THRB: variants seen among roughly 807,000 people sequenced by gnomAD.
THRB encodes thyroid hormone receptor beta.
THRB carries 12 observed loss-of-function variants against 47.8 expected under a neutral mutation model. That is an observed-to-expected ratio of 0.25 (90% CI 0.16 to 0.41). THRB has a LOEUF of 0.41. Ranked by LOEUF, THRB falls within the 10% of genes least tolerant of loss-of-function variation. The pLI is 1.00. For missense variants in THRB, 348 were observed against 589.2 expected (o/e 0.59, Z 4.24); for synonymous variants, 218 against 212.2 (o/e 1.03, Z -0.24).
chr3:24,227,008 A>G (rs970402307), intron 4 of THRB, among the ~76,000 whole-genome samples: 2 of 152,204 alleles, frequency 1.3e-5, no homozygotes, highest in Admixed American at 6.5e-5. Context: ...CTCTCCCTAG[A>G]TGAACTGCAC....
intron 6 of THRB, among the ~76,000 whole-genome samples, chr3:24,147,878 C>T (rs2036315864): frequency 6.6e-6 from 1 of 152,100 alleles, no homozygotes; most frequent in South Asian, 2.1e-4. Flanking sequence ...ATGGTAAGTA[C>T]ATGTGGGAAC....
intron 3 of THRB, among the ~76,000 whole-genome samples, chr3:24,248,508 C>G (rs931813): frequency 0.6 from 90,669 of 151,922 alleles, 29,211 homozygotes; most frequent in Middle Eastern, 0.76. Flanking sequence ...CCTGTTGCCC[C>G]TCAGCTCCAG....
intron 2 of THRB, among the ~76,000 whole-genome samples, chr3:24,320,678 CATA>C (rs1447474032): frequency 6.6e-6 from 1 of 152,002 alleles, no homozygotes; most frequent in Non-Finnish European, 1.5e-5. Flanking sequence ...TAATGTTAAA[CATA>C]ATATTAATAA....
intron 1 of THRB, among the ~76,000 whole-genome samples, chr3:24,403,952 TAAAG>T (rs1245868042): frequency 6.6e-6 from 1 of 151,930 alleles, no homozygotes; most frequent in East Asian, 1.9e-4. Context: ...CAAAAGTGAA[TAAAG>T]AGTCTGTCAC....
intron 3 of THRB, among the ~76,000 whole-genome samples, chr3:24,275,185 G>C (rs1346608267): frequency 1.3e-5 from 2 of 152,018 alleles, no homozygotes; most frequent in African/African-American, 4.8e-5. Flanking sequence ...TTCACACAAG[G>C]ATAAATAAAA....
At chr3:24,449,069 G>T (rs771522190) in intron 1 of THRB, among the ~76,000 whole-genome samples, 2 of 152,316 alleles carry the variant, frequency 1.3e-5, no homozygotes, top group Middle Eastern at 3.4e-3. Context: ...GGAGTGATGG[G>T]CAGCCATGTG....
At chr3:24,201,405 C>A (rs1489026243) in intron 4 of THRB, among the ~76,000 whole-genome samples, 5 of 152,130 alleles carry the variant, frequency 3.3e-5, no homozygotes, top group African/African-American at 1.2e-4. Flanking sequence ...TAAGGACCTG[C>A]AGCATCAGCA....
chr3:24,332,008 C>T (rs1426893568), intron 2 of THRB, among the ~76,000 whole-genome samples: 4 of 152,136 alleles, frequency 2.6e-5, no homozygotes, highest in Non-Finnish European at 5.9e-5. Flanking sequence ...GGTGTCTCCG[C>T]AATGTTCCCT....
chr3:24,478,039 G>A (rs1695754183), intron 1 of THRB, among the ~76,000 whole-genome samples: 1 of 151,732 alleles, frequency 6.6e-6, no homozygotes, highest in Non-Finnish European at 1.5e-5. Flanking sequence ...TTGTCAAAAT[G>A]GTCTATGTTC....
intron 4 of THRB, among the ~76,000 whole-genome samples, chr3:24,214,610 C>T (rs111687092): frequency 6.6e-6 from 1 of 152,184 alleles, no homozygotes; most frequent in Non-Finnish European, 1.5e-5. Context: ...GCTGAGATGC[C>T]GACATGGTGT....
intron 1 of THRB, among the ~76,000 whole-genome samples, chr3:24,419,132 G>A (rs1376642626): frequency 2.0e-5 from 3 of 151,862 alleles, no homozygotes; most frequent in Non-Finnish European, 4.4e-5. Context: ...ATAGGGCATC[G>A]AGATAAAAAG....
intron 1 of THRB, among the ~76,000 whole-genome samples, chr3:24,469,700 T>C (rs1211270308): frequency 6.6e-6 from 1 of 152,220 alleles, no homozygotes; most frequent in African/African-American, 2.4e-5. Context: ...AGCTACTGTA[T>C]AGAAGAATAC....
At chr3:24,129,768 G>GCAT (rs2308187) in intron 9 of THRB, among the ~76,000 whole-genome samples, 50,857 of 151,914 alleles carry the variant, frequency 0.33, 9,004 homozygotes, top group East Asian at 0.61. Flanking sequence ...CCTTAGGAGA[G>GCAT]CATCACTCAG....
At chr3:24,417,128 A>G (rs139553929) in intron 1 of THRB, among the ~76,000 whole-genome samples, 8 of 69,918 alleles carry the variant, frequency 1.1e-4, no homozygotes, top group African/African-American at 2.3e-4. Context: ...ACACACACAC[A>G]CACACACACA....
intron 2 of THRB, among the ~76,000 whole-genome samples, chr3:24,313,269 C>T (rs1187624292): frequency 6.6e-6 from 1 of 152,178 alleles, no homozygotes; most frequent in African/African-American, 2.4e-5. Flanking sequence ...CTGCACCACT[C>T]ATCTTTTCAG....
intron 1 of THRB, among the ~76,000 whole-genome samples, chr3:24,406,080 A>G (rs2067801798): frequency 6.6e-6 from 1 of 151,598 alleles, no homozygotes; most frequent in South Asian, 2.1e-4. Flanking sequence ...TGACAGTTTT[A>G]ATAGCTTTTT....
intron 6 of THRB, among the ~76,000 whole-genome samples, chr3:24,149,216 A>AG (rs1367543038): frequency 1.3e-5 from 2 of 152,166 alleles, no homozygotes; most frequent in Admixed American, 1.3e-4. Context: ...ACAGACAGGG[A>AG]GGGGAGGGGT....
chr3:24,465,181 G>T (rs1255583259), intron 1 of THRB, among the ~76,000 whole-genome samples: 1 of 151,994 alleles, frequency 6.6e-6, no homozygotes, highest in African/African-American at 2.4e-5. Context: ...TTCATCCTTA[G>T]TTTTGAATTA....
At chr3:24,204,373 G>A (rs1007943082) in intron 4 of THRB, among the ~76,000 whole-genome samples, 3 of 152,182 alleles carry the variant, frequency 2.0e-5, no homozygotes, top group Admixed American at 6.5e-5. Context: ...AGCCTTCACT[G>A]CTGATACCCA....
Sources: allele counts gnomAD v4.1 joint callset (sites outside exome capture counted in the v4.1 genomes callset), GRCh38; gene constraint gnomAD v4.1.1; transcripts MANE v1.5; gene names NCBI Gene and HGNC (gene_info 2026-07-23, HGNC 2026-07-21).